COL5A2: variants seen among roughly 807,000 people sequenced by gnomAD.
The protein encoded by COL5A2 is collagen type V alpha 2 chain.
In COL5A2, 23 loss-of-function variants were observed where a neutral mutation model predicts 208.2. That is an observed-to-expected ratio of 0.11 (90% CI 0.08 to 0.16). The LOEUF (loss-of-function observed/expected upper bound fraction) is 0.16. Among genes scored for constraint, COL5A2 ranks in the 10% least tolerant of loss-of-function variants. The pLI is 1.00. For synonymous variants in COL5A2, 625 were observed against 628.5 expected (o/e 0.99, Z 0.08); for missense variants, 1,590 against 1,956.4 (o/e 0.81, Z 3.53).
At chr2:189,385,095 T>C in the COL5A2 span, among the ~76,000 whole-genome samples, 1 of 152,134 alleles carries the variant, frequency 6.6e-6, no homozygotes, top group Non-Finnish European at 1.5e-5. Flanking sequence ...AATTGATAAA[T>C]ATAATGAACT....
At chr2:189,196,922 T>C (rs1444733205) in intron 1 of COL5A2, among the ~76,000 whole-genome samples, 1 of 152,086 alleles carries the variant, frequency 6.6e-6, no homozygotes, top group African/African-American at 2.4e-5. Context: ...AGAAATACCA[T>C]TTGACCCAGC....
chr2:189,189,569 T>C (rs1325706789), intron 1 of COL5A2, among the ~76,000 whole-genome samples: 1 of 152,108 alleles, frequency 6.6e-6, no homozygotes, highest in Non-Finnish European at 1.5e-5. Context: ...TGAGGACCAC[T>C]TGAGCCCTGG....
the COL5A2 span, among the ~76,000 whole-genome samples, chr2:189,440,540 G>A: frequency 2.0e-5 from 3 of 152,224 alleles, no homozygotes; most frequent in African/African-American, 7.2e-5. Flanking sequence ...CATGTTATAT[G>A]CATTGATTGA....
At chr2:189,060,934 G>A (rs753944980) in intron 30 of COL5A2, 151 bp from the exon 31 acceptor site, 1 of 639,318 alleles carries the variant, frequency 1.6e-6, no homozygotes, top group Non-Finnish European at 2.8e-6. Flanking sequence ...AAAAAATATT[G>A]TTCAGAAGCA....
chr2:189,361,156 G>C, the COL5A2 span, among the ~76,000 whole-genome samples: 64 of 152,014 alleles, frequency 4.2e-4, no homozygotes, highest in African/African-American at 1.4e-3. Flanking sequence ...TGATTTTTTT[G>C]TTGGTGTTGA....
At chr2:189,403,058 C>T in the COL5A2 span, among the ~76,000 whole-genome samples, 1,276 of 152,178 alleles carry the variant, frequency 8.4e-3, 14 homozygotes, top group African/African-American at 0.029. Context: ...AATGTTTTTC[C>T]ATTTGCTTGT....
chr2:189,322,698 C>T, the COL5A2 span, among the ~76,000 whole-genome samples: 1 of 151,978 alleles, frequency 6.6e-6, no homozygotes, highest in East Asian at 1.9e-4. Flanking sequence ...GCTTAGCAAC[C>T]AAAAAACGTC....
intron 2 of COL5A2, among the ~76,000 whole-genome samples, chr2:189,106,915 C>T (rs1687161604): frequency 6.6e-6 from 1 of 151,218 alleles, no homozygotes; most frequent in South Asian, 2.1e-4. Context: ...TTATTTTGCA[C>T]TTGTGGAATA....
intron 47 of COL5A2, among the ~76,000 whole-genome samples, chr2:189,044,846 G>GCTCTCT (rs1685630022): frequency 6.6e-6 from 1 of 152,030 alleles, no homozygotes; most frequent in Non-Finnish European, 1.5e-5. Context: ...AGTTTACAGA[G>GCTCTCT]AGCTTTCAAA....
chr2:189,060,643 G>C, intron 31 of COL5A2, 87 bp downstream of exon 31: 3 of 1,127,368 alleles, frequency 2.7e-6, no homozygotes, highest in Non-Finnish European at 4.0e-6. Context: ...TGTATGTAAA[G>C]GAAAGCACAA....
At chr2:189,085,588 G>T (rs1686640275) in intron 10 of COL5A2, 131 bp downstream of exon 10, 1 of 740,714 alleles carries the variant, frequency 1.4e-6, no homozygotes, top group Non-Finnish European at 2.4e-6. Flanking sequence ...TCATAGAACA[G>T]GACTCCCAAA....
At chr2:189,391,933 T>C in the COL5A2 span, among the ~76,000 whole-genome samples, 3 of 152,150 alleles carry the variant, frequency 2.0e-5, no homozygotes, top group African/African-American at 4.8e-5. Context: ...TGACATCATA[T>C]TGAAATGGTG....
intron 4 of COL5A2, among the ~76,000 whole-genome samples, chr2:189,099,228 T>C (rs949778809): frequency 4.6e-5 from 7 of 152,102 alleles, no homozygotes; most frequent in African/African-American, 1.7e-4. Flanking sequence ...TAAAATTAAA[T>C]AAAACAATAT....
chr2:189,208,641 C>T (rs532059548), intron 1 of COL5A2, among the ~76,000 whole-genome samples: 61 of 152,206 alleles, frequency 4.0e-4, no homozygotes, highest in African/African-American at 1.4e-3. Flanking sequence ...TCTATTTTGA[C>T]CAGAATTTGA....
At chr2:189,108,403 C>A (rs1195754196) in intron 2 of COL5A2, among the ~76,000 whole-genome samples, 2 of 151,802 alleles carry the variant, frequency 1.3e-5, no homozygotes, top group Non-Finnish European at 3.0e-5. Context: ...ACCATATTAT[C>A]TCCTTAAGAA....
At chr2:189,146,145 T>C (rs964022396) in intron 1 of COL5A2, among the ~76,000 whole-genome samples, 1 of 152,154 alleles carries the variant, frequency 6.6e-6, no homozygotes. Context: ...GAAGGTACAG[T>C]TGTGAAATTT....
chr2:189,206,980 C>A (rs967228694), intron 1 of COL5A2, among the ~76,000 whole-genome samples: 7 of 152,136 alleles, frequency 4.6e-5, no homozygotes, highest in African/African-American at 1.4e-4. Context: ...TTTTATAAAT[C>A]ATTCTAATGT....
At chr2:189,265,462 T>G in the COL5A2 span, among the ~76,000 whole-genome samples, 2 of 152,236 alleles carry the variant, frequency 1.3e-5, no homozygotes, top group South Asian at 2.1e-4. Context: ...ACGTTCTCCA[T>G]GTGTGTTCTG....
At chr2:189,072,168 G>A in intron 17 of COL5A2, 75 bp from the exon 18 acceptor site, 1 of 1,035,468 alleles carries the variant, frequency 9.7e-7, no homozygotes, top group South Asian at 1.4e-5. Flanking sequence ...TTAGAGTTTG[G>A]CGTCATTTTG....
Sources: gnomAD v4.1 joint callset for allele counts (sites outside exome capture counted in the v4.1 genomes callset) on GRCh38, gnomAD v4.1.1 for gene constraint, MANE v1.5 for transcripts, NCBI Gene and HGNC (gene_info 2026-07-23, HGNC 2026-07-21) for gene names.